Variants in CHRNB2 observed in about 807,000 individuals in gnomAD.
The protein encoded by CHRNB2 is neuronal acetylcholine receptor subunit beta-2.
In CHRNB2, 33 loss-of-function variants were observed where a neutral mutation model predicts 42.7. The observed-to-expected ratio is 0.77, with a 90% confidence interval of 0.59 to 1.03. The LOEUF is 1.03. Among genes scored for constraint, CHRNB2 ranks in the 50% least tolerant of loss-of-function variants. The pLI, the probability that CHRNB2 is intolerant of heterozygous loss-of-function variation, is 0.00. For synonymous variants in CHRNB2, 325 were observed against 292.9 expected (o/e 1.11, Z -1.12); for missense variants, 603 against 700.9 (o/e 0.86, Z 1.58).
chr1:154,571,216 C>T lies in CHRNB2; in HGVS notation c.393C>T (p.Phe131=), dbSNP rs759487292. 1 of 1,614,222 alleles carries T rather than the reference C, an allele frequency of 6.2e-7. No individual in the cohort carries two copies. Among genetic ancestry groups the T allele is most frequent in the Non-Finnish European group, 8.5e-7 (1 of 1,180,050 alleles). ...NNADGMYEVS[F]YSNAVVSYDG... is the part of the protein sequence containing the mutation. ...CTGACGGCATGTACGAGGTGTCCTT[C>T]TATTCCAATGCCGTGGTCTCCTATG... Residue 131 remains phenylalanine (F), a synonymous_variant, in exon 5 of 6, where the codon TTC becomes TTT. Transcript: ENST00000368476. The surrounding 1 kb of genome is among the most constrained non-coding windows in gnomAD (Gnocchi z 6.8).
At chr1:154,569,992 C>A in intron 3 of CHRNB2, 156 bp downstream of exon 3, 1 of 838,512 alleles carries the variant, frequency 1.2e-6, no homozygotes, top group South Asian at 1.6e-5. Context: ...ACTCACCAGC[C>A]TTGTGACTTT....
At chr1:154,575,657 C>T in intron 5 of CHRNB2, 105 bp from the exon 6 acceptor site, 1 of 1,127,432 alleles carries the variant, frequency 8.9e-7, no homozygotes, top group Non-Finnish European at 1.3e-6. Context: ...GGGATCACTG[C>T]AGGAGAGGAG....
In CHRNB2 at chr1:154,571,264, G is replaced by T. The variant is rs780464481; in HGVS notation, c.441G>T (p.Pro147=). The T allele has an allele frequency of 3.1e-6, 5 of 1,614,028 alleles. No homozygotes were observed. The highest frequency in any genetic ancestry group is 1.1e-5 in the South Asian group (1 of 91,082). ...ATGATGGCAGCATCTTCTGGCTGCC[G>T]CCTGCCATCTACAAGAGCGCATGCA... The part of the protein sequence containing the change: ...VSYDGSIFWL[P]PAIYKSACKI... Residue 147 remains proline, a synonymous_variant, in exon 5 of 6, where the codon CCG becomes CCT. Coordinates refer to ENST00000368476, the MANE Select transcript of CHRNB2 (RefSeq NM_000748.3). This position sits in a 1 kb window ranked among gnomAD's most constrained non-coding sequence, Gnocchi z 6.8.
intron 3 of CHRNB2, 131 bp from the exon 4 acceptor site, chr1:154,570,126 GA>G (rs1696134852): frequency 6.8e-6 from 5 of 737,546 alleles, no homozygotes; most frequent in Admixed American, 6.2e-5. Flanking sequence ...GATGGGCAGA[GA>G]AGTCACTGTG....
In CHRNB2 at chr1:154,572,064, G is replaced by T; in HGVS notation, c.1241G>T (p.Gly414Val). The T allele has an allele frequency of 6.5e-7, 1 of 1,534,724 alleles. No individual in the cohort carries two copies. The highest frequency in any genetic ancestry group is 2.4e-5 in the East Asian group (1 of 40,868). Residue 414 changes from glycine (G) to valine (V), a missense_variant, in exon 5 of 6, where the codon GGG becomes GTG. Physicochemically the swap from Gly to Val is moderately radical, Grantham distance 109. Transcript: ENST00000368476. The part of the protein sequence containing the change: ...GAEPAPVAGP[G>V]RSGEPCGCGL... ...GAGCCTGCACCAGTGGCGGGCCCCG[G>T]GCGCTCAGGGGAGCCGTGTGGCTGT...
In CHRNB2 at chr1:154,572,045, G is replaced by A. The variant is rs1329326308; in HGVS notation, c.1222G>A (p.Ala408Thr). Residue 408 changes from alanine (A) to threonine (T), a missense_variant, in exon 5 of 6, where the codon GCA (alanine) becomes ACA (threonine). By Grantham distance (58) the Ala-to-Thr change is moderately conservative. This residue lies in a region of CHRNB2 where 270 missense variants were observed against 248.3 expected (regional missense o/e 1.09). Transcript: ENST00000368476. The part of the protein sequence containing the change: ...GLAGAFGAEP[A>T]PVAGPGRSGE... ...GGCCGGGGCCTTCGGGGCTGAGCCT[G>A]CACCAGTGGCGGGCCCCGGGCGCTC... 6.5e-7 allele frequency: 1 copy of A among 1,534,894 alleles called. No individual in the cohort carries two copies.
intron 3 of CHRNB2, 49 bp from the exon 4 acceptor site, chr1:154,570,209 G>A (rs1696136219): frequency 1.5e-6 from 2 of 1,308,492 alleles, no homozygotes; most frequent in Non-Finnish European, 2.2e-6. Context: ...TTAACCTTGA[G>A]CCCCACCCAG....
At chr1:154,570,576 G>A (rs548675189) in intron 4 of CHRNB2, among the ~76,000 whole-genome samples, 14 of 152,182 alleles carry the variant, frequency 9.2e-5, no homozygotes, top group Non-Finnish European at 1.6e-4. Context: ...ACTCCCAGCC[G>A]GTTAGGACTC....
In CHRNB2 at chr1:154,571,552, C is replaced by T. The variant is rs1696165036; in HGVS notation, c.729C>T (p.Ile243=). 2 of 1,614,056 alleles carry T rather than the reference C, an allele frequency of 1.2e-6. No individual in the cohort carries two copies. Among genetic ancestry groups the T allele is most frequent in the Non-Finnish European group, 1.7e-6 (2 of 1,180,038 alleles). ...KPLFYTINLI[I]PCVLITSLAI... ...TCTTCTACACCATCAACCTCATCAT[C>T]CCCTGTGTGCTCATCACCTCGCTAG... The change falls in exon 5 of 6, where the codon ATC becomes ATT. Residue 243 remains isoleucine (I), a synonymous_variant. Transcript: ENST00000368476. This position sits in a 1 kb window ranked among gnomAD's most constrained non-coding sequence, Gnocchi z 6.8.
Position 154,572,246 on chromosome 1 carries a change from A to G in CHRNB2, c.1338+85A>G, listed in dbSNP as rs1696189693. 1.7e-5 allele frequency: 26 copies of G among 1,528,434 alleles called. 1 individual carries two copies. The highest frequency in any genetic ancestry group is 3.6e-5 in the South Asian group (3 of 83,686). The allele number at this position is 1,528,434 out of a possible 1,614,324, so 94.7% of individuals were successfully genotyped here. On this transcript the variant is annotated intron_variant, in intron 5 of 5. Transcript: ENST00000368476. Reference sequence around the variant, plus strand: ...TCTGGAAAGCAGCGGCGTTCTATAGACATGCAGAGGTAGTAGGAGTGTAGG... The same window carrying G: ...TCTGGAAAGCAGCGGCGTTCTATAGGCATGCAGAGGTAGTAGGAGTGTAGG...
intron 5 of CHRNB2, among the ~76,000 whole-genome samples, chr1:154,574,009 C>CA (rs1233745181): frequency 1.3e-5 from 2 of 152,304 alleles, no homozygotes; most frequent in Non-Finnish European, 2.9e-5. Flanking sequence ...CTCAGTCTCC[C>CA]AAAGTGCTGG....
In CHRNB2 at chr1:154,569,462, G is replaced by A. The variant is rs761316238; in HGVS notation, c.65G>A (p.Gly22Glu). The A allele has an allele frequency of 4.3e-6, 7 of 1,613,830 alleles. No individual in the cohort carries two copies. In the South Asian group the frequency reaches 6.6e-5, roughly 15 times the overall value. Residue 22 changes from glycine (G) to glutamate (E), a missense_variant and splice_region_variant, in exon 2 of 6, where the codon GGG (glycine) becomes GAG (glutamate). Physicochemically the swap from Gly to Glu is moderately conservative, Grantham distance 98 (BLOSUM62 -2). This residue lies in a region of CHRNB2 where 333 missense variants were observed against 452.6 expected (regional missense o/e 0.74). Coordinates refer to ENST00000368476, the MANE Select transcript of CHRNB2 (RefSeq NM_000748.3). ...LGFGLLRLCS[G>E]VWGTDTEERL... The stretch of plus-strand genomic sequence containing the variant: ...TTCGTCCTGCCTTTCCCCTGCCCAG[G>A]GGTGTGGGGTACGGATACAGAGGAG...
chr1:154,572,174 G>T lies in CHRNB2; in HGVS notation c.1338+13G>T. 4 of 1,536,458 alleles carry T rather than the reference G, an allele frequency of 2.6e-6. No homozygotes were observed. Among genetic ancestry groups the T allele is most frequent in the South Asian group, 1.2e-5 (1 of 83,978 alleles). The stretch of plus-strand genomic sequence containing the variant: ...CGATGACCAGAGCGTGAGTGCCGCA[G>T]GCTGGGACCCCGGGCGTGAGATATG... On this transcript the variant is annotated intron_variant, in intron 5 of 5. Coordinates refer to ENST00000368476, the MANE Select transcript of CHRNB2 (RefSeq NM_000748.3).
chr1:154,570,474 A>G, intron 4 of CHRNB2, 107 bp downstream of exon 4: 1 of 736,202 alleles, frequency 1.4e-6, no homozygotes, highest in Non-Finnish European at 2.4e-6. Context: ...GGAGGGACTT[A>G]TAATAGATAT....
rs1295689169 is a variant in CHRNB2, at chr1:154,579,915, C to G, written c.*3983C>G. ...ACTCTATTTGGGGGTTGGGAGAGAG[C>G]CCGTGGGGGCCAGCGTTGGCGAATA... On this transcript the variant is annotated 3_prime_UTR_variant, in exon 6 of 6. Transcript: ENST00000368476. 6.6e-6 allele frequency: 1 copy of G among 152,334 alleles called. No homozygotes were observed. The highest frequency in any genetic ancestry group is 1.5e-5 in the Non-Finnish European group (1 of 68,136). 9.4% of individuals were successfully genotyped at this position (152,334 alleles called of 1,614,324 possible). A position where few individuals can be genotyped will look rare whatever the true frequency, so the allele number is the denominator to read the frequency against.
chr1:154,569,987 C>T (rs1030062677), intron 3 of CHRNB2, 151 bp downstream of exon 3: 3 of 868,642 alleles, frequency 3.5e-6, no homozygotes, highest in Non-Finnish European at 3.7e-6. Flanking sequence ...TTGGCACTCA[C>T]CAGCCTTGTG....
intron 4 of CHRNB2, among the ~76,000 whole-genome samples, chr1:154,570,611 G>T (rs1696145024): frequency 6.6e-6 from 1 of 152,082 alleles, no homozygotes; most frequent in African/African-American, 2.4e-5. Flanking sequence ...ATGATGTGGT[G>T]GGGATACAAA....
rs748080172 is a variant in CHRNB2 at position 154,571,735 on chromosome 1, C to A, written c.912C>A (p.Thr304=). 3.7e-6 allele frequency: 6 copies of A among 1,614,114 alleles called. No individual in the cohort carries two copies. The highest frequency in any genetic ancestry group is 5.1e-6 in the Non-Finnish European group (6 of 1,180,040). Reference sequence around the variant, plus strand: ...TCGTCGGCAAGTACCTCATGTTCACCATGGTGCTTGTCACCTTCTCCATCG... The same window carrying A: ...TCGTCGGCAAGTACCTCATGTTCACAATGGTGCTTGTCACCTTCTCCATCG... ...VPLVGKYLMF[T]MVLVTFSIVT... is the part of the protein sequence containing the mutation. The change falls in exon 5 of 6, where the codon ACC becomes ACA. Residue 304 remains threonine (T), a synonymous_variant. Transcript: ENST00000368476. The surrounding 1 kb of genome is among the most constrained non-coding windows in gnomAD (Gnocchi z 6.8).
Position 154,567,985 on chromosome 1 carries a change from CCCT to C in CHRNB2, c.-57_-55del. On this transcript the variant is annotated 5_prime_UTR_variant, in exon 1 of 6. Coordinates refer to ENST00000368476, the MANE Select transcript of CHRNB2 (RefSeq NM_000748.3). ...ACCACGGACAGCGCCCCACCCGCGG[CCCT>C]CCCCCCGGCGGCGCGCTCCAGCCGG... 3 of 1,444,564 alleles carry C rather than the reference CCCT, an allele frequency of 2.1e-6. No individual in the cohort carries two copies. The highest frequency in any genetic ancestry group is 2.7e-6 in the Non-Finnish European group (3 of 1,099,182). 89.5% of individuals were successfully genotyped at this position (1,444,564 alleles called of 1,614,324 possible). A position where few individuals can be genotyped will look rare whatever the true frequency, so the allele number is the denominator to read the frequency against.
Sources: allele counts gnomAD v4.1 joint callset (sites outside exome capture counted in the v4.1 genomes callset), GRCh38; gene constraint gnomAD v4.1.1; regional missense constraint gnomAD v4.1.1; non-coding constraint Gnocchi (gnomAD v3.1); transcripts MANE v1.5; gene names NCBI Gene and HGNC (gene_info 2026-07-23, HGNC 2026-07-21).